The following HSD17B2 variants were observed in gnomAD, a reference collection of about 807,000 sequenced individuals.
HSD17B2 encodes hydroxysteroid 17-beta dehydrogenase 2.
Under a neutral mutation model 26.9 loss-of-function variants are expected in HSD17B2, and 32 were observed. The ratio of observed to expected loss-of-function variants is 1.19; its 90% CI spans 0.90 to 1.60. HSD17B2 has a LOEUF of 1.60. Among genes scored for constraint, HSD17B2 ranks in the 40% most tolerant of loss-of-function variants. The pLI is 0.00. For missense variants in HSD17B2, 613 were observed against 468.6 expected, an observed-to-expected ratio of 1.31 and a Z score of -2.85; for synonymous variants, 246 against 186.7, an observed-to-expected ratio of 1.32 and a Z score of -2.59.
chr16:82,038,614 T>G (rs1030284614), intron 1 of HSD17B2, among the ~76,000 whole-genome samples: 1 of 152,188 alleles, frequency 6.6e-6, no homozygotes, highest in African/African-American at 2.4e-5. Flanking sequence ...TAATAACATC[T>G]CAACCACAAC....
At chr16:82,088,956 A>G (rs867049814) in intron 3 of HSD17B2, among the ~76,000 whole-genome samples, 6 of 152,168 alleles carry the variant, frequency 3.9e-5, no homozygotes, top group Middle Eastern at 6.3e-3. Flanking sequence ...GTCTGAGAGA[A>G]AGAATAAATA....
At chr16:82,038,203 G>C (rs1205593538) in intron 1 of HSD17B2, among the ~76,000 whole-genome samples, 2 of 152,146 alleles carry the variant, frequency 1.3e-5, no homozygotes, top group African/African-American at 4.8e-5. Flanking sequence ...ATGTTCAAAA[G>C]TCTGTTGCCT....
chr16:82,096,921 A>G (rs1220339428), intron 4 of HSD17B2: 2 of 152,132 alleles, frequency 1.3e-5, no homozygotes, highest in South Asian at 2.1e-4. Context: ...ACCAGCCAAG[A>G]TGAATCTGTC....
intron 1 of HSD17B2, among the ~76,000 whole-genome samples, chr16:82,048,999 C>T (rs1914023462): frequency 6.6e-6 from 1 of 152,186 alleles, no homozygotes; most frequent in Admixed American, 6.5e-5. Flanking sequence ...TGAAAATAAT[C>T]CTGGCTACTT....
chr16:82,092,182 C>A (rs761147601), intron 4 of HSD17B2: 4 of 152,098 alleles, frequency 2.6e-5, no homozygotes, highest in Non-Finnish European at 5.9e-5. Context: ...TCTTTTGCTG[C>A]CATTGGCCAA....
rs1345083269 is a variant in HSD17B2, at chr16:82,090,765, CA to C, written c.665-136del. Reference sequence around the variant, plus strand: ...AGCAAGAACATTGCTCACCTGGGCTCAGGGGGCCTTGCCTGCCTTTGTCTGC... The same window carrying C: ...AGCAAGAACATTGCTCACCTGGGCTCGGGGGCCTTGCCTGCCTTTGTCTGC... On this transcript the variant is annotated intron_variant, in intron 3 of 4. Coordinates refer to ENST00000199936, the MANE Select transcript of HSD17B2 (RefSeq NM_002153.3). The C allele has an allele frequency of 3.5e-5, 27 of 763,982 alleles. No individual in the cohort carries two copies. The African/African-American group carries it at 4.3e-4, about 12-fold the overall frequency. 47.3% of individuals were successfully genotyped at this position (763,982 alleles called of 1,614,324 possible). A position where few individuals can be genotyped will look rare whatever the true frequency, so the allele number is the denominator to read the frequency against.
At chr16:82,045,935 G>T (rs998572688) in intron 1 of HSD17B2, among the ~76,000 whole-genome samples, 1 of 152,232 alleles carries the variant, frequency 6.6e-6, no homozygotes, top group Non-Finnish European at 1.5e-5. Flanking sequence ...CTGTTACAGA[G>T]AGTCTTTGGG....
intron 1 of HSD17B2, among the ~76,000 whole-genome samples, chr16:82,058,799 G>GA (rs1197561253): frequency 1.3e-5 from 2 of 152,128 alleles, no homozygotes; most frequent in Non-Finnish European, 2.9e-5. Flanking sequence ...TCATTTAAAA[G>GA]AAAAAATCTG....
intron 1 of HSD17B2, among the ~76,000 whole-genome samples, chr16:82,046,011 C>T (rs189308693): frequency 6.6e-6 from 1 of 152,346 alleles, no homozygotes; most frequent in East Asian, 1.9e-4. Context: ...CCTCCTGAGT[C>T]CCCATCTCTC....
chr16:82,056,880 G>C (rs1914284960), intron 1 of HSD17B2, among the ~76,000 whole-genome samples: 1 of 152,172 alleles, frequency 6.6e-6, no homozygotes, highest in Non-Finnish European at 1.5e-5. Flanking sequence ...TTTTACTTGA[G>C]TGAGGCTGGA....
intron 1 of HSD17B2, among the ~76,000 whole-genome samples, chr16:82,058,780 A>G (rs751488147): frequency 7.2e-5 from 11 of 152,182 alleles, no homozygotes; most frequent in Non-Finnish European, 1.3e-4. Context: ...TCCTATTAAA[A>G]AATGAAGGTC....
At chr16:82,065,783 G>C (rs1477603827) in intron 1 of HSD17B2, among the ~76,000 whole-genome samples, 1 of 152,216 alleles carries the variant, frequency 6.6e-6, no homozygotes, top group Non-Finnish European at 1.5e-5. Context: ...TCATGAACTT[G>C]GATTTAGGAT....
At chr16:82,076,521 TAAAC>T (rs745529897) in intron 3 of HSD17B2, among the ~76,000 whole-genome samples, 2 of 152,208 alleles carry the variant, frequency 1.3e-5, no homozygotes, top group African/African-American at 2.4e-5. Context: ...TTAAAACTGA[TAAAC>T]AAATTCAGTC....
At chr16:82,091,085 A>ACCCC in intron 4 of HSD17B2, 46 bp downstream of exon 4, 1 of 1,595,700 alleles carries the variant, frequency 6.3e-7, no homozygotes, top group East Asian at 2.2e-5. Flanking sequence ...CCTGGAAGGA[A>ACCCC]CCCCGAAGGT....
At chr16:82,064,671 G>T (rs1914529459) in intron 1 of HSD17B2, among the ~76,000 whole-genome samples, 1 of 152,174 alleles carries the variant, frequency 6.6e-6, no homozygotes, top group South Asian at 2.1e-4. Flanking sequence ...AAAGAAGAGG[G>T]ATTATTAGGA....
chr16:82,053,756 C>G (rs1382516676), intron 1 of HSD17B2, among the ~76,000 whole-genome samples: 2 of 152,188 alleles, frequency 1.3e-5, no homozygotes, highest in African/African-American at 4.8e-5. Flanking sequence ...TTGTGTGCTG[C>G]TGTCCATGGA....
intron 3 of HSD17B2, among the ~76,000 whole-genome samples, chr16:82,086,848 T>C (rs1904541985): frequency 6.6e-6 from 1 of 152,182 alleles, no homozygotes; most frequent in Non-Finnish European, 1.5e-5. Flanking sequence ...CATGCCAGCA[T>C]GGTTGGTTTT....
chr16:82,087,356 A>C (rs995513896), intron 3 of HSD17B2, among the ~76,000 whole-genome samples: 1 of 152,252 alleles, frequency 6.6e-6, no homozygotes, highest in Non-Finnish European at 1.5e-5. Flanking sequence ...ACAGACAATG[A>C]AGGGTTACAT....
intron 4 of HSD17B2, chr16:82,093,459 T>C (rs1363249800): frequency 6.6e-6 from 1 of 152,250 alleles, no homozygotes; most frequent in Non-Finnish European, 1.5e-5. Context: ...TTCATTGCTG[T>C]GCAGTATTCT....
Sources: allele counts gnomAD v4.1 joint callset (sites outside exome capture counted in the v4.1 genomes callset), GRCh38; gene constraint gnomAD v4.1.1; transcripts MANE v1.5; gene names NCBI Gene and HGNC (gene_info 2026-07-23, HGNC 2026-07-21).